The following SLC38A5 variants were observed in gnomAD, a reference collection of about 807,000 sequenced individuals.
SLC38A5 encodes sodium-coupled neutral amino acid transporter 5.
Under a neutral mutation model 34.6 loss-of-function variants are expected in SLC38A5, and 9 were observed. That is an observed-to-expected ratio of 0.26 (90% CI 0.16 to 0.45). The LOEUF (loss-of-function observed/expected upper bound fraction) is 0.45, where lower values mean the gene tolerates loss of function less well. SLC38A5 is among the 20% of genes least tolerant of loss of function. SLC38A5 has a pLI of 1.00. For synonymous variants in SLC38A5, 157 were observed against 155.6 expected, an observed-to-expected ratio of 1.01 and a Z score of -0.07; for missense variants, 253 against 394.7, an observed-to-expected ratio of 0.64 and a Z score of 3.04.
At chrX:48,467,827 C>T in intron 3 of SLC38A5, 42 bp from the exon 4 acceptor site, 1 of 1,201,063 alleles carries the variant, frequency 8.3e-7, no homozygotes, top group Non-Finnish European at 1.1e-6. Context: ...GAGGGAAATC[C>T]TGACCCCTGA....
rs192360332 is a variant in SLC38A5, at chrX:48,465,977, A to G, written c.491+38T>C. On this transcript the variant is annotated intron_variant, in intron 8 of 16. Transcript: ENST00000620913. Reference sequence around the variant, plus strand: ...TGACCGGGCCTCACAGGCAGAGTCAAGGGGCTGCTGGCCAGCCAAGGGGTG... The same window carrying G: ...TGACCGGGCCTCACAGGCAGAGTCAGGGGGCTGCTGGCCAGCCAAGGGGTG... The G allele has an allele frequency of 6.6e-5, 73 of 1,102,014 alleles. No individual in the cohort carries two copies. In the African/African-American group the frequency reaches 1.2e-3, roughly 19 times the overall value. 90.8% of individuals were successfully genotyped at this position (1,102,014 alleles called of 1,213,427 possible).
At chrX:48,463,847 A>AAGAG (rs200249289) in intron 8 of SLC38A5, among the ~76,000 whole-genome samples, 26 of 73,553 alleles carry the variant, frequency 3.5e-4, no homozygotes, top group Admixed American at 1.3e-3. Context: ...GGAAGAAAGA[A>AAGAG]AGAGAGAGAA....
chrX:48,462,313 G>A, intron 9 of SLC38A5, 22 bp from the exon 10 acceptor site: 2 of 1,201,386 alleles, frequency 1.7e-6, no homozygotes, highest in East Asian at 3.0e-5. Flanking sequence ...AAAACACAGA[G>A]TCTCAGAAAT....
chrX:48,466,692 G>A, intron 6 of SLC38A5, 107 bp downstream of exon 6: 1 of 852,582 alleles, frequency 1.2e-6, no homozygotes, highest in Non-Finnish European at 1.7e-6. Context: ...CAGGGAGCTG[G>A]GTCTGGGGTC....
At chrX:48,467,284 C>G (rs2061484631) in intron 4 of SLC38A5, 3 of 434,482 alleles carry the variant, frequency 6.9e-6, no homozygotes, top group Non-Finnish European at 1.2e-5. Flanking sequence ...AAGGGGGAAA[C>G]TAGGACAAAC....
chrX:48,467,219 G>T lies in SLC38A5; in HGVS notation c.130-142C>A, dbSNP rs782361922. 5.5e-4 allele frequency: 271 copies of T among 490,386 alleles called. No individual in the cohort carries two copies. The African/African-American group carries it at 6.2e-3, about 11-fold the overall frequency. The allele number at this position is 490,386 out of a possible 1,213,427, so 40.4% of individuals were successfully genotyped here. On this transcript the variant is annotated intron_variant, in intron 4 of 16. Coordinates refer to ENST00000620913, the MANE Select transcript of SLC38A5 (RefSeq NM_033518.4). ...GAGAGACCATCGGAGGAGGGAAGAGGCTAGCAGGGAAGAAGAGTTGAAGAT... is the reference window on the plus strand; with the variant it reads ...GAGAGACCATCGGAGGAGGGAAGAGTCTAGCAGGGAAGAAGAGTTGAAGAT...
At chrX:48,461,884 C>G in intron 11 of SLC38A5, 87 bp from the exon 12 acceptor site, 1 of 1,121,084 alleles carries the variant, frequency 8.9e-7, no homozygotes, top group Non-Finnish European at 1.2e-6. Context: ...TAATCGCCCT[C>G]CATATCAGAC....
intron 8 of SLC38A5, among the ~76,000 whole-genome samples, chrX:48,464,490 G>A (rs1178348930): frequency 8.9e-6 from 1 of 112,555 alleles, no homozygotes; most frequent in Non-Finnish European, 1.9e-5. Flanking sequence ...TAAAGATCAA[G>A]CACTCAGTTA....
Position 48,462,105 on chromosome X carries a change from G to A in SLC38A5, c.673C>T (p.His225Tyr). The change falls in exon 11 of 17, where the codon CAC becomes TAC. Residue 225 changes from histidine to tyrosine, a missense_variant. His to Tyr is a moderately conservative substitution (Grantham distance 83, BLOSUM62 2). Transcript: ENST00000620913. ...KKFQLGCAIG[H>Y]NETAMESEAL... The stretch of plus-strand genomic sequence containing the variant: ...TCACTCTCCATTGCTGTTTCATTGT[G>A]GCCTATAGCACAGCCAAGTTGGAAC... 9 of 1,193,982 alleles carry A rather than the reference G, an allele frequency of 7.5e-6. No homozygotes were observed. The highest frequency in any genetic ancestry group is 7.9e-6 in the Non-Finnish European group (7 of 884,694).
intron 4 of SLC38A5, chrX:48,467,304 A>C: frequency 2.3e-6 from 1 of 430,685 alleles, no homozygotes; most frequent in South Asian, 3.5e-5. Flanking sequence ...CTTTGGAGGG[A>C]GCAGCTGGAA....
At position 48,467,837 on chromosome X, in the gene SLC38A5, A is replaced by G. The variant is rs782626657; in HGVS notation, c.53+35T>C. ...GATAAGAGGGAAATCCTGACCCCTG[A>G]TCCCTGAGCCCACCTCCTTGGACCC... On this transcript the variant is annotated intron_variant, in intron 3 of 16. Coordinates refer to ENST00000620913, the MANE Select transcript of SLC38A5 (RefSeq NM_033518.4). 39 of 1,202,304 alleles carry G rather than the reference A, an allele frequency of 3.2e-5. 2 individuals are homozygous for G. The Admixed American group carries it at 7.5e-4, about 23-fold the overall frequency.
chrX:48,459,696 T>C, intron 15 of SLC38A5, 36 bp downstream of exon 15: 1 of 1,197,820 alleles, frequency 8.3e-7, no homozygotes, highest in Non-Finnish European at 1.1e-6. Flanking sequence ...AGGCCCATAT[T>C]AGATGGGGTA....
Position 48,458,675 on chromosome X carries a change from C to CTCT in SLC38A5, c.*257_*258insAGA. On this transcript the variant is annotated 3_prime_UTR_variant, in exon 17 of 17. Coordinates refer to ENST00000620913, the MANE Select transcript of SLC38A5 (RefSeq NM_033518.4). Reference sequence around the variant, plus strand: ...AGGACCTGGCCTCCTCCTCCTCCTCCTCCTCCTCCTCCTCCTCCTCTTCTT... The same window carrying CTCT: ...AGGACCTGGCCTCCTCCTCCTCCTCCTCTTCCTCCTCCTCCTCCTCCTCTTCTT... 1.0e-6 allele frequency: 1 copy of CTCT among 979,484 alleles called. No individual in the cohort carries two copies. Among genetic ancestry groups the CTCT allele is most frequent in the Non-Finnish European group, 1.3e-6 (1 of 779,380 alleles). 80.7% of individuals were successfully genotyped at this position (979,484 alleles called of 1,213,427 possible).
chrX:48,458,697 T>A lies in SLC38A5; in HGVS notation c.*236A>T. On this transcript the variant is annotated 3_prime_UTR_variant, in exon 17 of 17. Transcript: ENST00000620913. Reference sequence around the variant, plus strand: ...CTCCTCCTCCTCCTCCTCCTCCTCTTCTTCCTCCTCCTCCTCCTCCCATGG... The same window carrying A: ...CTCCTCCTCCTCCTCCTCCTCCTCTACTTCCTCCTCCTCCTCCTCCCATGG... 1 of 998,796 alleles carries A rather than the reference T, an allele frequency of 1.0e-6. No individual in the cohort carries two copies. 82.3% of individuals were successfully genotyped at this position (998,796 alleles called of 1,213,427 possible). A position where few individuals can be genotyped will look rare whatever the true frequency, so the allele number is the denominator to read the frequency against.
At position 48,458,939 on chromosome X, in the gene SLC38A5, T is replaced by C; in HGVS notation, c.1413A>G (p.Gly471=). 2.5e-6 allele frequency: 3 copies of C among 1,183,218 alleles called. No homozygotes were observed. Among genetic ancestry groups the C allele is most frequent in the Non-Finnish European group, 2.3e-6 (2 of 880,145 alleles). ...NWATGQSRMS[G]H The stretch of plus-strand genomic sequence containing the variant: ...CTGGGCCAGCAGGGCCTGATCAGTG[T>C]CCAGACATGCGGCTCTGGCCTGTGG... The change falls in exon 17 of 17, where the codon GGA becomes GGG. Residue 471 remains glycine (G), a synonymous_variant. Coordinates refer to ENST00000620913, the MANE Select transcript of SLC38A5 (RefSeq NM_033518.4).
At chrX:48,460,536 C>G (rs2061426906) in intron 14 of SLC38A5, 113 bp downstream of exon 14, 1 of 737,224 alleles carries the variant, frequency 1.4e-6, no homozygotes, top group Non-Finnish European at 2.0e-6. Flanking sequence ...GTCTGTCCAT[C>G]CTTGCCTCCT....
Position 48,467,116 on chromosome X carries a change from A to G in SLC38A5, c.130-39T>C, listed in dbSNP as rs781865483. On this transcript the variant is annotated intron_variant, in intron 4 of 16. Transcript: ENST00000620913. ...GCAAAGCCCGGGCACACATTGGGAC[A>G]GGGCACAGGGTAAGGAGACTAATGC... 4.5e-6 allele frequency: 5 copies of G among 1,105,037 alleles called. No individual in the cohort carries two copies. In the Admixed American group the frequency reaches 9.3e-5, roughly 20 times the overall value. The allele number at this position is 1,105,037 out of a possible 1,213,427, so 91.1% of individuals were successfully genotyped here.
At chrX:48,459,981 C>T in intron 14 of SLC38A5, 105 bp from the exon 15 acceptor site, 2 of 1,033,905 alleles carry the variant, frequency 1.9e-6, no homozygotes, top group Non-Finnish European at 2.6e-6. Context: ...TCCCTGATTT[C>T]CCCTCCCTCT....
rs1556962086 is a variant in SLC38A5 at position 48,462,220 on chromosome X, C to T, written c.633+13G>A. 1 of 1,211,680 alleles carries T rather than the reference C, an allele frequency of 8.3e-7. No homozygotes were observed. Among genetic ancestry groups the T allele is most frequent in the Non-Finnish European group, 1.1e-6 (1 of 895,469 alleles). On this transcript the variant is annotated intron_variant, in intron 10 of 16. Coordinates refer to ENST00000620913, the MANE Select transcript of SLC38A5 (RefSeq NM_033518.4). ...AATGTCCCAAACTCTCTCCCCGCTTCTCTGTGACTCACCGAAACAAGGAAA... is the reference window on the plus strand; with the variant it reads ...AATGTCCCAAACTCTCTCCCCGCTTTTCTGTGACTCACCGAAACAAGGAAA...
Sources: allele counts gnomAD v4.1 joint callset (sites outside exome capture counted in the v4.1 genomes callset), GRCh38; gene constraint gnomAD v4.1.1; transcripts MANE v1.5; gene names NCBI Gene and HGNC (gene_info 2026-07-23, HGNC 2026-07-21).